The following FHIT variants were observed in gnomAD, a reference collection of about 807,000 sequenced individuals.
FHIT encodes bis(5'-adenosyl)-triphosphatase.
FHIT carries 19 observed loss-of-function variants against 17.9 expected under a neutral mutation model. The ratio of observed to expected loss-of-function variants is 1.06; its 90% CI spans 0.74 to 1.56. FHIT has a LOEUF of 1.56. Among genes scored for constraint, FHIT ranks in the 40% most tolerant of loss-of-function variants. The pLI, the probability that FHIT is intolerant of heterozygous loss-of-function variation, is 0.00. For synonymous variants in FHIT, 81 were observed against 69.7 expected (o/e 1.16, Z -0.81); for missense variants, 248 against 189.2 (o/e 1.31, Z -1.82).
At chr3:59,811,335 G>C (rs990304137) in intron 8 of FHIT, among the ~76,000 whole-genome samples, 1 of 152,226 alleles carries the variant, frequency 6.6e-6, no homozygotes, top group Admixed American at 6.5e-5. Context: ...TTCTGCTTTT[G>C]TGTAGACAAA....
intron 5 of FHIT, among the ~76,000 whole-genome samples, chr3:60,114,694 G>A (rs1217410391): frequency 1.3e-5 from 2 of 151,600 alleles, no homozygotes; most frequent in Non-Finnish European, 2.9e-5. Context: ...AGGTGTCACC[G>A]TCTTTGCCAG....
intron 5 of FHIT, among the ~76,000 whole-genome samples, chr3:60,482,031 C>G (rs1205273891): frequency 2.0e-5 from 3 of 152,128 alleles, no homozygotes; most frequent in Admixed American, 2.0e-4. Context: ...CAGTCCTAGT[C>G]TCTGACAAAA....
At chr3:60,281,149 G>T (rs1024505480) in intron 5 of FHIT, among the ~76,000 whole-genome samples, 1 of 106,314 alleles carries the variant, frequency 9.4e-6, no homozygotes, top group Non-Finnish European at 1.9e-5. Context: ...AACAATATAT[G>T]TACAGGATCT....
At chr3:60,324,807 T>C (rs1290965939) in intron 5 of FHIT, among the ~76,000 whole-genome samples, 1 of 152,180 alleles carries the variant, frequency 6.6e-6, no homozygotes, top group African/African-American at 2.4e-5. Context: ...TCATATTACT[T>C]GGCTGATGAT....
intron 5 of FHIT, among the ~76,000 whole-genome samples, chr3:60,523,703 T>G (rs1418757335): frequency 6.6e-6 from 1 of 152,210 alleles, no homozygotes; most frequent in African/African-American, 2.4e-5. Flanking sequence ...ACCCTTCTGT[T>G]AGATTTCTCT....
rs374513964 is a variant in FHIT, at chr3:60,860,824, GA to G, written c.-110-38814del. 1.4e-3 allele frequency among the ~76,000 whole-genome samples: 8 copies of G among 5,886 alleles called. 2 individuals are homozygous for G. Among genetic ancestry groups the G allele is most frequent in the Non-Finnish European group, 0.01 (1 of 96 alleles). The allele number at this position is 5,886 out of a possible 152,430, so 3.9% of individuals were successfully genotyped here. ...ATGTACATATATATCAGGTATATATGATACATATGTACATATATCAGGTATA... is the reference window on the plus strand; with the variant it reads ...ATGTACATATATATCAGGTATATATGTACATATGTACATATATCAGGTATA... On this transcript the variant is annotated intron_variant, in intron 3 of 9. Transcript: ENST00000492590.
intron 8 of FHIT, among the ~76,000 whole-genome samples, chr3:59,889,414 G>A (rs1026762320): frequency 3.9e-5 from 6 of 152,264 alleles, no homozygotes; most frequent in Middle Eastern, 3.4e-3. Context: ...TCTAGCACAC[G>A]TACCACAGGC....
chr3:60,113,134 T>C (rs1398846681), intron 5 of FHIT, among the ~76,000 whole-genome samples: 1 of 152,232 alleles, frequency 6.6e-6, no homozygotes, highest in Non-Finnish European at 1.5e-5. Flanking sequence ...TTCATGGCAC[T>C]TAATGCACTC....
intron 4 of FHIT, among the ~76,000 whole-genome samples, chr3:60,603,034 C>T (rs967506015): frequency 2.6e-5 from 4 of 152,130 alleles, no homozygotes; most frequent in Non-Finnish European, 4.4e-5. Context: ...GCAGCCCAAA[C>T]AGACTAGGAC....
At chr3:61,128,084 A>C (rs1343571132) in intron 2 of FHIT, among the ~76,000 whole-genome samples, 1 of 152,236 alleles carries the variant, frequency 6.6e-6, no homozygotes, top group African/African-American at 2.4e-5. Flanking sequence ...TTCTACAGAC[A>C]AGGTACAATG....
At chr3:61,100,753 T>G (rs966622893) in intron 2 of FHIT, among the ~76,000 whole-genome samples, 1 of 152,268 alleles carries the variant, frequency 6.6e-6, no homozygotes, top group South Asian at 2.1e-4. Flanking sequence ...ATTGCCATTC[T>G]AACTGGCATA....
intron 4 of FHIT, among the ~76,000 whole-genome samples, chr3:60,638,640 G>A (rs1300196984): frequency 1.3e-5 from 2 of 151,984 alleles, no homozygotes; most frequent in African/African-American, 4.8e-5. Flanking sequence ...GCAAAGTTCA[G>A]GAATCTTTTC....
intron 4 of FHIT, among the ~76,000 whole-genome samples, chr3:60,610,282 A>C (rs1350919066): frequency 6.6e-6 from 1 of 152,170 alleles, no homozygotes; most frequent in Non-Finnish European, 1.5e-5. Context: ...CAATCTTGTG[A>C]TTGATTTAAA....
chr3:60,614,870 G>A (rs1045382049), intron 4 of FHIT, among the ~76,000 whole-genome samples: 10 of 127,994 alleles, frequency 7.8e-5, no homozygotes, highest in East Asian at 2.3e-4. Context: ...CTGCTCTGTC[G>A]CCAGACTGGA....
chr3:59,762,184 G>T (rs1701552472), intron 8 of FHIT, among the ~76,000 whole-genome samples: 1 of 152,200 alleles, frequency 6.6e-6, no homozygotes, highest in Non-Finnish European at 1.5e-5. Context: ...GGCCAGGACA[G>T]AGTGGGACGG....
chr3:60,664,014 G>C (rs2040323773), intron 4 of FHIT, among the ~76,000 whole-genome samples: 1 of 151,848 alleles, frequency 6.6e-6, no homozygotes, highest in African/African-American at 2.4e-5. Flanking sequence ...TATTGTTTTG[G>C]CTAGACTTTC....
At chr3:60,140,439 T>C (rs1169506541) in intron 5 of FHIT, among the ~76,000 whole-genome samples, 1 of 152,088 alleles carries the variant, frequency 6.6e-6, no homozygotes, top group Non-Finnish European at 1.5e-5. Flanking sequence ...GGGGAAAAAG[T>C]TGCTCTCTTA....
chr3:60,259,094 ATTT>A (rs1283488999), intron 5 of FHIT, among the ~76,000 whole-genome samples: 2 of 151,908 alleles, frequency 1.3e-5, no homozygotes, highest in African/African-American at 4.8e-5. Context: ...GTTCCGAAAG[ATTT>A]TTTTCACCTG....
At chr3:60,139,073 G>A (rs1699930503) in intron 5 of FHIT, among the ~76,000 whole-genome samples, 1 of 152,138 alleles carries the variant, frequency 6.6e-6, no homozygotes, top group Non-Finnish European at 1.5e-5. Context: ...CAGAAAGTTG[G>A]CTTCAGTCTC....
Sources: allele counts gnomAD v4.1 joint callset (sites outside exome capture counted in the v4.1 genomes callset), GRCh38; gene constraint gnomAD v4.1.1; transcripts MANE v1.5; gene names NCBI Gene and HGNC (gene_info 2026-07-23, HGNC 2026-07-21).